The following PTPRD variants were observed in gnomAD, a reference collection of about 807,000 sequenced individuals.
The protein encoded by PTPRD is receptor-type tyrosine-protein phosphatase delta.
A neutral mutation model predicts 214.5 loss-of-function variants in PTPRD; 34 were observed. That is an observed-to-expected ratio of 0.16 (90% CI 0.12 to 0.21). The LOEUF is 0.21. Among genes scored for constraint, PTPRD ranks in the 10% least tolerant of loss-of-function variants. PTPRD has a pLI of 1.00. For missense variants in PTPRD, 2,545 were observed against 2,398.7 expected (o/e 1.06, Z -1.27); for synonymous variants, 1,128 against 845.7 (o/e 1.33, Z -5.79).
At chr9:9,913,029 T>C (rs1188241017) in intron 5 of PTPRD, among the ~76,000 whole-genome samples, 1 of 152,196 alleles carries the variant, frequency 6.6e-6, no homozygotes, top group Non-Finnish European at 1.5e-5. Flanking sequence ...ATAAGTTTTT[T>C]TAAGTCTGCT....
At chr9:9,094,298 T>A (rs1419550203) in intron 10 of PTPRD, among the ~76,000 whole-genome samples, 1 of 151,934 alleles carries the variant, frequency 6.6e-6, no homozygotes, top group African/African-American at 2.4e-5. Context: ...AACCAATGAG[T>A]GGATAAATAA....
At chr9:8,969,798 T>C (rs955647850) in intron 11 of PTPRD, among the ~76,000 whole-genome samples, 3 of 151,832 alleles carry the variant, frequency 2.0e-5, no homozygotes, top group Non-Finnish European at 4.4e-5. Flanking sequence ...AAGAAAAGTA[T>C]AAAAAAGTAA....
chr9:10,003,257 G>C (rs1386300749), intron 4 of PTPRD, among the ~76,000 whole-genome samples: 1 of 151,680 alleles, frequency 6.6e-6, no homozygotes. Context: ...CTATGGAGAT[G>C]ATGAGGAATG....
chr9:10,287,055 G>A (rs962019570), intron 3 of PTPRD, among the ~76,000 whole-genome samples: 1 of 152,138 alleles, frequency 6.6e-6, no homozygotes, highest in African/African-American at 2.4e-5. Flanking sequence ...AGAGAAGATA[G>A]AAAACATTGC....
rs866616374 is a variant in PTPRD, at chr9:8,944,050, T to A, written c.-104+74647A>T. 3.4e-4 allele frequency among the ~76,000 whole-genome samples: 52 copies of A among 151,168 alleles called. 1 individual carries two copies. The highest frequency in any genetic ancestry group is 3.4e-3 in the Middle Eastern group (1 of 294). On this transcript the variant is annotated intron_variant, in intron 11 of 45. Transcript: ENST00000381196. Reference sequence around the variant, plus strand: ...TATGTAAGGAGCTCAAACAACTAAGTAGGAAAAAAAAATCTAGTAATCTGA... The same window carrying A: ...TATGTAAGGAGCTCAAACAACTAAGAAGGAAAAAAAAATCTAGTAATCTGA...
chr9:10,502,259 A>G (rs931056370), intron 2 of PTPRD, among the ~76,000 whole-genome samples: 1 of 151,872 alleles, frequency 6.6e-6, no homozygotes, highest in African/African-American at 2.4e-5. Flanking sequence ...AAAAGGAATT[A>G]AGACTACATT....
In PTPRD at chr9:9,140,124, G is replaced by C. The variant is rs183620519; in HGVS notation, c.-143+43180C>G. On this transcript the variant is annotated intron_variant, in intron 10 of 45. Coordinates refer to ENST00000381196, the MANE Select transcript of PTPRD (RefSeq NM_002839.4). The stretch of plus-strand genomic sequence containing the variant: ...AAGAGTCTAACATTTCTGGAATGAA[G>C]TTACTATTAGGAACTAAAGAAAAAG... 4.0e-4 allele frequency among the ~76,000 whole-genome samples: 60 copies of C among 150,762 alleles called. 1 individual carries two copies. The highest frequency in any genetic ancestry group is 1.4e-3 in the African/African-American group (59 of 40,974).
At chr9:10,450,754 G>C (rs1412583388) in intron 2 of PTPRD, among the ~76,000 whole-genome samples, 1 of 151,952 alleles carries the variant, frequency 6.6e-6, no homozygotes, top group African/African-American at 2.4e-5. Context: ...CTGTGAAAAG[G>C]CTTAATTCAG....
At chr9:8,694,360 C>T (rs528007288) in intron 12 of PTPRD, among the ~76,000 whole-genome samples, 3 of 151,952 alleles carry the variant, frequency 2.0e-5, no homozygotes, top group South Asian at 2.1e-4. Flanking sequence ...TTTAGAGAAG[C>T]CTCTAACCCC....
intron 3 of PTPRD, among the ~76,000 whole-genome samples, chr9:10,101,658 A>G (rs1271990048): frequency 1.3e-5 from 2 of 151,702 alleles, no homozygotes; most frequent in African/African-American, 2.4e-5. Flanking sequence ...TCCTATTACT[A>G]CACCTATACG....
At chr9:10,280,162 G>T (rs532834545) in intron 3 of PTPRD, among the ~76,000 whole-genome samples, 4,968 of 151,640 alleles carry the variant, frequency 0.033, 287 homozygotes, top group African/African-American at 0.11. Context: ...GATTTTTTTT[G>T]ATTGTTTTTG....
chr9:9,968,820 A>ACTTAAT (rs2094893680), intron 4 of PTPRD, among the ~76,000 whole-genome samples: 1 of 152,194 alleles, frequency 6.6e-6, no homozygotes, highest in Non-Finnish European at 1.5e-5. Flanking sequence ...AGAACGAGAA[A>ACTTAAT]GGAAAGAAAA....
chr9:10,305,441 G>A (rs2096029190), intron 3 of PTPRD, among the ~76,000 whole-genome samples: 1 of 148,012 alleles, frequency 6.8e-6, no homozygotes, highest in Non-Finnish European at 1.5e-5. Flanking sequence ...AAACTAAAGA[G>A]CTTCTGCACA....
intron 3 of PTPRD, among the ~76,000 whole-genome samples, chr9:10,199,201 C>T (rs1435130800): frequency 6.6e-5 from 10 of 151,908 alleles, no homozygotes; most frequent in Admixed American, 3.9e-4. Context: ...TATATTTCCT[C>T]GTATATTTGT....
intron 2 of PTPRD, among the ~76,000 whole-genome samples, chr9:10,545,655 G>A (rs1345254907): frequency 6.6e-6 from 1 of 152,106 alleles, no homozygotes; most frequent in African/African-American, 2.4e-5. Flanking sequence ...ACAAATTAGT[G>A]TAAAGAAATA....
intron 2 of PTPRD, among the ~76,000 whole-genome samples, chr9:10,461,269 A>C (rs557254811): frequency 8.5e-6 from 1 of 117,398 alleles, no homozygotes; most frequent in Admixed American, 8.8e-5. Flanking sequence ...GAAAAAAGGA[A>C]ACTCTTGTAC....
intron 3 of PTPRD, among the ~76,000 whole-genome samples, chr9:10,285,024 C>A (rs1183768877): frequency 2.6e-5 from 4 of 152,114 alleles, no homozygotes; most frequent in Non-Finnish European, 2.9e-5. Flanking sequence ...CTATTTTGAA[C>A]ATTTTATGAA....
intron 4 of PTPRD, among the ~76,000 whole-genome samples, chr9:9,940,130 TAG>T (rs2091004748): frequency 1.3e-5 from 2 of 152,152 alleles, no homozygotes; most frequent in South Asian, 4.1e-4. Flanking sequence ...ATACCATCTC[TAG>T]ACTTGCAGGG....
At chr9:9,341,863 C>G (rs908263041) in intron 9 of PTPRD, among the ~76,000 whole-genome samples, 2 of 152,086 alleles carry the variant, frequency 1.3e-5, no homozygotes, top group East Asian at 1.9e-4. Context: ...GGCTGGAGTT[C>G]AGTGTCGCAA....
Sources: allele counts gnomAD v4.1 joint callset (sites outside exome capture counted in the v4.1 genomes callset), GRCh38; gene constraint gnomAD v4.1.1; transcripts MANE v1.5; gene names NCBI Gene and HGNC (gene_info 2026-07-23, HGNC 2026-07-21).